The following MAGI1 variants were observed in gnomAD, a reference collection of about 807,000 sequenced individuals.
The protein encoded by MAGI1 is membrane-associated guanylate kinase, WW and PDZ domain-containing protein 1.
MAGI1 carries 58 observed loss-of-function variants against 139.9 expected under a neutral mutation model. That is an observed-to-expected ratio of 0.41 (90% CI 0.34 to 0.52). The LOEUF (loss-of-function observed/expected upper bound fraction) is 0.52. Among genes scored for constraint, MAGI1 ranks in the 20% least tolerant of loss-of-function variants. The pLI, the probability that MAGI1 is intolerant of heterozygous loss-of-function variation, is 0.12. For synonymous variants in MAGI1, 812 were observed against 737.9 expected (o/e 1.10, Z -1.63); for missense variants, 1,874 against 1,901.6 (o/e 0.99, Z 0.27).
intron 1 of MAGI1, among the ~76,000 whole-genome samples, chr3:65,944,193 T>C (rs905874222): frequency 1.3e-5 from 2 of 152,168 alleles, no homozygotes; most frequent in Non-Finnish European, 2.9e-5. Flanking sequence ...AAGGGAATGT[T>C]ACTTGTTAAG....
chr3:65,917,640 T>C (rs1465254839), intron 1 of MAGI1, among the ~76,000 whole-genome samples: 3 of 152,058 alleles, frequency 2.0e-5, no homozygotes, highest in African/African-American at 7.2e-5. Context: ...TGAAAACACA[T>C]GGAGGAAACT....
At chr3:65,610,686 A>G (rs1305327899) in intron 2 of MAGI1, among the ~76,000 whole-genome samples, 1 of 143,388 alleles carries the variant, frequency 7.0e-6, no homozygotes, top group African/African-American at 2.6e-5. Context: ...ATCTTATCCT[A>G]TGAGACGGGA....
chr3:65,898,622 C>T (rs2061084094), intron 1 of MAGI1, among the ~76,000 whole-genome samples: 2 of 152,068 alleles, frequency 1.3e-5, no homozygotes, highest in Non-Finnish European at 2.9e-5. Context: ...TTTTGAAACA[C>T]TTAGTATACA....
chr3:65,590,282 A>G lies in MAGI1; in HGVS notation c.430+31690T>C, dbSNP rs1208373045. Among the ~76,000 whole-genome samples the G allele has an allele frequency of 2.0e-5, 3 of 152,178 alleles. No homozygotes were observed. In the East Asian group the frequency reaches 5.8e-4, roughly 29 times the overall value. On this transcript the variant is annotated intron_variant, in intron 2 of 22. Transcript: ENST00000402939. Reference sequence around the variant, plus strand: ...CCACCACCAATTCCCCTGTGAGGGTAAAGCTATTTTGTACATCTTTGTATC... The same window carrying G: ...CCACCACCAATTCCCCTGTGAGGGTGAAGCTATTTTGTACATCTTTGTATC...
Position 65,430,802 on chromosome 3 carries a change from G to C in MAGI1, c.1443C>G (p.Gly481=), listed in dbSNP as rs780920935. 6.2e-7 allele frequency: 1 copy of C among 1,613,652 alleles called. No homozygotes were observed. The highest frequency in any genetic ancestry group is 8.5e-7 in the Non-Finnish European group (1 of 1,179,786). ...CCCCTCCAACCACCGTGAAGCCAAA[G>C]CCACGACTGCTTTTCCGCAGCTTTG... ...IHTKLRKSSR[G]FGFTVVGGDE... is the part of the protein sequence containing the mutation. Residue 481 remains glycine (G), a synonymous_variant, in exon 11 of 23, where the codon GGC becomes GGG. Transcript: ENST00000402939.
intron 2 of MAGI1, among the ~76,000 whole-genome samples, chr3:65,610,742 G>GTATATACTATATACTCTCTCTATATATA (rs11276480): frequency 2.5e-5 from 3 of 121,334 alleles, no homozygotes; most frequent in East Asian, 2.3e-4. Flanking sequence ...ATAGTATATA[G>GTATATACTATATACTCTCTCTATATATA]TATATATACA....
At position 65,702,043 on chromosome 3, in the gene MAGI1, T is replaced by C. The variant is rs952393452; in HGVS notation, c.314-79955A>G. ...CCTAGGATGTGGCCCTTAGGAAATC[T>C]ACCCCCTTGGCTCAGCACTCTAGAT... On this transcript the variant is annotated intron_variant, in intron 1 of 22. Coordinates refer to ENST00000402939, the MANE Select transcript of MAGI1 (RefSeq NM_001033057.2). Among the ~76,000 whole-genome samples the C allele has an allele frequency of 1.8e-4, 27 of 152,248 alleles. 1 individual carries two copies. In the South Asian group the frequency reaches 3.1e-3, roughly 18 times the overall value.
Position 65,652,580 on chromosome 3 carries a change from C to A in MAGI1, c.314-30492G>T, listed in dbSNP as rs2085646898. ...AATCACCCTCAGTTGAGAGCTACTGCTTTAACTTAGGGACTAGGGCAACCT... is the reference window on the plus strand; with the variant it reads ...AATCACCCTCAGTTGAGAGCTACTGATTTAACTTAGGGACTAGGGCAACCT... On this transcript the variant is annotated intron_variant, in intron 1 of 22. Transcript: ENST00000402939. Among the ~76,000 whole-genome samples the A allele has an allele frequency of 2.0e-5, 3 of 152,298 alleles. No homozygotes were observed. The South Asian group carries it at 6.2e-4, about 32-fold the overall frequency.
intron 1 of MAGI1, among the ~76,000 whole-genome samples, chr3:65,972,851 G>C (rs1372862083): frequency 1.3e-5 from 2 of 152,270 alleles, no homozygotes; most frequent in Non-Finnish European, 2.9e-5. Context: ...ATGAGTTCCA[G>C]CAAGTTGATG....
At chr3:65,919,120 G>C (rs1471796064) in intron 1 of MAGI1, among the ~76,000 whole-genome samples, 2 of 152,188 alleles carry the variant, frequency 1.3e-5, no homozygotes, top group African/African-American at 4.8e-5. Context: ...TTGCTCAACA[G>C]AATTTCACTG....
chr3:65,875,636 T>A (rs1425600459), intron 1 of MAGI1, among the ~76,000 whole-genome samples: 1 of 152,142 alleles, frequency 6.6e-6, no homozygotes, highest in Non-Finnish European at 1.5e-5. Flanking sequence ...TCCAGGCCTC[T>A]CTGAAAATGA....
intron 1 of MAGI1, among the ~76,000 whole-genome samples, chr3:65,757,014 A>G (rs548293656): frequency 3.9e-5 from 6 of 152,218 alleles, no homozygotes; most frequent in Non-Finnish European, 7.3e-5. Context: ...ACTTAAGAAA[A>G]CATACTGCAG....
At chr3:65,917,224 T>C (rs1196529852) in intron 1 of MAGI1, among the ~76,000 whole-genome samples, 1 of 152,134 alleles carries the variant, frequency 6.6e-6, no homozygotes, top group Non-Finnish European at 1.5e-5. Context: ...ACTTTTGAAA[T>C]TGAAAAATAA....
chr3:65,945,149 C>A (rs1209033961), intron 1 of MAGI1, among the ~76,000 whole-genome samples: 5 of 152,190 alleles, frequency 3.3e-5, no homozygotes, highest in African/African-American at 9.7e-5. Context: ...TCTGTGGGCT[C>A]TCTCCCAAAC....
intron 2 of MAGI1, among the ~76,000 whole-genome samples, chr3:65,510,084 G>A (rs1271644839): frequency 6.6e-6 from 1 of 152,084 alleles, no homozygotes; most frequent in Admixed American, 6.6e-5. Context: ...CAGACCTGCA[G>A]CTGAGGGTCC....
chr3:66,027,205 T>C (rs1490378602), intron 1 of MAGI1, among the ~76,000 whole-genome samples: 1 of 151,550 alleles, frequency 6.6e-6, no homozygotes, highest in Non-Finnish European at 1.5e-5. Context: ...GAGGTGGAGC[T>C]TGCAGCGAGC....
At chr3:65,970,123 C>T (rs1003251069) in intron 1 of MAGI1, among the ~76,000 whole-genome samples, 2 of 152,102 alleles carry the variant, frequency 1.3e-5, no homozygotes, top group Admixed American at 6.6e-5. Context: ...ATAAACAAAT[C>T]GAGGTGTGCA....
intron 1 of MAGI1, among the ~76,000 whole-genome samples, chr3:65,730,347 C>A (rs755296250): frequency 9.2e-5 from 14 of 152,208 alleles, no homozygotes; most frequent in Non-Finnish European, 1.8e-4. Flanking sequence ...CTTCCCCAAG[C>A]CTGTCACCTC....
chr3:65,460,869 G>T (rs1949734322), intron 5 of MAGI1, among the ~76,000 whole-genome samples: 1 of 152,134 alleles, frequency 6.6e-6, no homozygotes, highest in African/African-American at 2.4e-5. Context: ...CCCTGCAAAG[G>T]ACATGAACTC....
Sources: gnomAD v4.1 joint callset for allele counts (sites outside exome capture counted in the v4.1 genomes callset) on GRCh38, gnomAD v4.1.1 for gene constraint, MANE v1.5 for transcripts, NCBI Gene and HGNC (gene_info 2026-07-23, HGNC 2026-07-21) for gene names.